The following CEP63 variants were observed in gnomAD, a reference collection of about 807,000 sequenced individuals.
CEP63 encodes the protein centrosomal protein of 63 kDa.
A neutral mutation model predicts 89.1 loss-of-function variants in CEP63; 84 were observed. The observed-to-expected ratio is 0.94, with a 90% CI of 0.79 to 1.13. CEP63 has a LOEUF of 1.13. Among genes scored for constraint, CEP63 ranks in the 50% most tolerant of loss-of-function variants. The probability of loss-of-function intolerance (pLI) is 0.00; values close to 1 mark genes in which losing one functional copy is unlikely to be tolerated. For missense variants in CEP63, 838 were observed against 813.3 expected (o/e 1.03, Z -0.37); for synonymous variants, 267 against 272.5 (o/e 0.98, Z 0.20).
chr3:134,730,765 C>T, the CEP63 span, among the ~76,000 whole-genome samples: 1 of 151,958 alleles, frequency 6.6e-6, no homozygotes, highest in Non-Finnish European at 1.5e-5. Context: ...AGAAATTATT[C>T]TATGTAAATA....
the CEP63 span, chr3:134,629,425 C>A: frequency 3.6e-6 from 2 of 556,750 alleles, no homozygotes; most frequent in Non-Finnish European, 6.5e-6. Flanking sequence ...TCCAGAGATG[C>A]AAAATCAGCG....
the CEP63 span, among the ~76,000 whole-genome samples, chr3:134,714,517 A>G: frequency 1.3e-5 from 2 of 152,194 alleles, no homozygotes; most frequent in African/African-American, 4.8e-5. Context: ...GCCTGCTCCC[A>G]GGGCTCAGAA....
intron 6 of CEP63, among the ~76,000 whole-genome samples, chr3:134,544,481 A>G (rs943688064): frequency 2.6e-5 from 4 of 152,120 alleles, no homozygotes; most frequent in East Asian, 1.9e-4. Context: ...GACAGAACCA[A>G]TCTCTCCTCC....
downstream of CEP63, among the ~76,000 whole-genome samples, chr3:134,579,219 G>A (rs1397173375): frequency 1.3e-5 from 2 of 152,230 alleles, no homozygotes. Context: ...TTTGCAACCA[G>A]TAAATGAGAA....
chr3:134,605,555 T>C, the CEP63 span, among the ~76,000 whole-genome samples: 1 of 152,170 alleles, frequency 6.6e-6, no homozygotes, highest in Admixed American at 6.5e-5. Context: ...GCCAGCATGA[T>C]GGGGAGGCTG....
the CEP63 span, among the ~76,000 whole-genome samples, chr3:134,637,498 C>T: frequency 6.6e-6 from 1 of 152,188 alleles, no homozygotes; most frequent in South Asian, 2.1e-4. Context: ...GTAAAGAACT[C>T]TATTTGACCC....
the CEP63 span, among the ~76,000 whole-genome samples, chr3:134,728,553 C>T: frequency 7.2e-5 from 11 of 152,158 alleles, no homozygotes; most frequent in Non-Finnish European, 1.6e-4. Flanking sequence ...GATCTCTTTA[C>T]ATACCAGATA....
At chr3:134,493,911 T>C (rs556184282) in intron 1 of CEP63, among the ~76,000 whole-genome samples, 3 of 152,302 alleles carry the variant, frequency 2.0e-5, no homozygotes. Context: ...AGTCTGGTTA[T>C]TGTCTTAAGG....
At chr3:134,628,536 A>G in the CEP63 span, among the ~76,000 whole-genome samples, 6 of 152,314 alleles carry the variant, frequency 3.9e-5, no homozygotes, top group African/African-American at 9.6e-5. Flanking sequence ...GCAACCACAC[A>G]TGGGTTATTC....
exon 12 of CEP63, chr3:134,574,949 A>G (rs1034592936): frequency 1.2e-5 from 6 of 480,722 alleles, no homozygotes; most frequent in African/African-American, 8.0e-5. Context: ...AAGAATCTCA[A>G]TTAGAGTCTT....
At chr3:134,782,162 C>T in the CEP63 span, among the ~76,000 whole-genome samples, 1 of 152,274 alleles carries the variant, frequency 6.6e-6, no homozygotes, top group Non-Finnish European at 1.5e-5. Flanking sequence ...GTCCTTTAAT[C>T]AGTAAATGGG....
At chr3:134,646,605 G>A in the CEP63 span, among the ~76,000 whole-genome samples, 1 of 152,032 alleles carries the variant, frequency 6.6e-6, no homozygotes, top group South Asian at 2.1e-4. Context: ...TTTCATTATT[G>A]TCAGAAGGAT....
chr3:134,510,007 C>G (rs569134889), intron 3 of CEP63, among the ~76,000 whole-genome samples: 1 of 152,258 alleles, frequency 6.6e-6, no homozygotes, highest in African/African-American at 2.4e-5. Context: ...ATTAAGAAAA[C>G]AAATATTGTT....
the CEP63 span, among the ~76,000 whole-genome samples, chr3:134,723,928 A>G: frequency 6.6e-6 from 1 of 152,326 alleles, no homozygotes; most frequent in South Asian, 2.1e-4. Flanking sequence ...AATAATTGAC[A>G]ACCACCACCA....
chr3:134,536,828 C>T (rs1577162352), intron 5 of CEP63: 1 of 335,444 alleles, frequency 3.0e-6, no homozygotes, highest in East Asian at 7.3e-5. Context: ...CATCAGTTTT[C>T]TGAAAATTCA....
chr3:134,732,581 G>GA, the CEP63 span, among the ~76,000 whole-genome samples: 1 of 151,416 alleles, frequency 6.6e-6, no homozygotes, highest in Non-Finnish European at 1.5e-5. Flanking sequence ...CTGAAGGGCA[G>GA]AAAAAGACCC....
At chr3:134,732,022 A>T in the CEP63 span, among the ~76,000 whole-genome samples, 1 of 152,180 alleles carries the variant, frequency 6.6e-6, no homozygotes. Context: ...ATAATCAGAT[A>T]AATAGAGATT....
the CEP63 span, among the ~76,000 whole-genome samples, chr3:134,768,748 T>C: frequency 1.1e-3 from 160 of 152,320 alleles, 2 homozygotes; most frequent in South Asian, 0.031. Context: ...AATGAAACAC[T>C]AATCTAGACA....
At chr3:134,759,379 T>C in the CEP63 span, among the ~76,000 whole-genome samples, 1 of 152,240 alleles carries the variant, frequency 6.6e-6, no homozygotes, top group East Asian at 1.9e-4. Flanking sequence ...CCTTTGTCTC[T>C]GGCGTCATCA....
Sources: gnomAD v4.1 joint callset for allele counts (sites outside exome capture counted in the v4.1 genomes callset) on GRCh38, gnomAD v4.1.1 for gene constraint, MANE v1.5 for transcripts, NCBI Gene and HGNC (gene_info 2026-07-23, HGNC 2026-07-21) for gene names.